Variants in AGAP1 observed in about 807,000 individuals in gnomAD.
The protein encoded by AGAP1 is ArfGAP with GTPase domain, ankyrin repeat and PH domain 1.
A neutral mutation model predicts 105.3 loss-of-function variants in AGAP1; 29 were observed. That is an observed-to-expected ratio of 0.28 (90% CI 0.21 to 0.38). The LOEUF is 0.38. Ranked by LOEUF, AGAP1 falls within the 10% of genes least tolerant of loss-of-function variation. The pLI is 1.00. For missense variants in AGAP1, 998 were observed against 1,165.1 expected (o/e 0.86, Z 2.09); for synonymous variants, 509 against 485.9 (o/e 1.05, Z -0.63).
rs2057395888 is a variant in AGAP1 at position 236,036,770 on chromosome 2, G to T, written c.1800+55G>T. The T allele has an allele frequency of 1.2e-6, 2 of 1,603,198 alleles. No homozygotes were observed. Among genetic ancestry groups the T allele is most frequent in the East Asian group, 2.2e-5 (1 of 44,852 alleles). ...CTGGGGCTGCTCAGGGGGAGTGCGG[G>T]CCCCAAGTAATGCCCCAGGGAGGAG... On this transcript the variant is annotated intron_variant, in intron 14 of 17. Transcript: ENST00000304032. The surrounding 1 kb of genome is among the most constrained non-coding windows in gnomAD (Gnocchi z 5.7).
chr2:235,709,110 A>G, intron 1 of AGAP1, 69 bp from the exon 2 acceptor site: 1 of 1,506,228 alleles, frequency 6.6e-7, no homozygotes, highest in East Asian at 2.3e-5. Flanking sequence ...AAAATGGCCC[A>G]TTGGAGGCAT....
At chr2:235,627,319 A>G (rs1049810402) in intron 1 of AGAP1, among the ~76,000 whole-genome samples, 5 of 149,222 alleles carry the variant, frequency 3.4e-5, no homozygotes, top group Admixed American at 1.4e-4. Flanking sequence ...CTACCTCCCG[A>G]GTTTAAGCAA....
rs1407092423 is a variant in AGAP1 at position 235,830,290 on chromosome 2, G to A, written c.1050+22959G>A. On this transcript the variant is annotated intron_variant, in intron 9 of 17. Coordinates refer to ENST00000304032, the MANE Select transcript of AGAP1 (RefSeq NM_001037131.3). This position sits in a 1 kb window ranked among gnomAD's most constrained non-coding sequence, Gnocchi z 5.5. ...GAGGATTGGTTTACTTAGTAAATTCGTTGTATTTTAAAAGTCAGATGGAAT... is the reference window on the plus strand; with the variant it reads ...GAGGATTGGTTTACTTAGTAAATTCATTGTATTTTAAAAGTCAGATGGAAT... 1.3e-5 allele frequency among the ~76,000 whole-genome samples: 2 copies of A among 152,194 alleles called. No individual in the cohort carries two copies. The highest frequency in any genetic ancestry group is 4.8e-5 in the African/African-American group (2 of 41,442).
At position 235,686,638 on chromosome 2, in the gene AGAP1, TATATATAGATATATATATA is replaced by T. The variant is rs1949433369; in HGVS notation, c.164-22540_164-22522del. 1.4e-4 allele frequency among the ~76,000 whole-genome samples: 7 copies of T among 49,386 alleles called. 1 individual carries two copies. The highest frequency in any genetic ancestry group is 6.9e-4 in the African/African-American group (7 of 10,126). The allele number at this position is 49,386 out of a possible 152,430, so 32.4% of individuals were successfully genotyped here. A position where few individuals can be genotyped will look rare whatever the true frequency, so the allele number is the denominator to read the frequency against. ...AGATATAGATATATATATATATATA[TATATATAGATATATATATA>T]TATATATATTTTTTTTTTTTTTTAG... On this transcript the variant is annotated intron_variant, in intron 1 of 17. Transcript: ENST00000304032.
chr2:235,836,234 A>G (rs1223054984), intron 9 of AGAP1, among the ~76,000 whole-genome samples: 1 of 152,244 alleles, frequency 6.6e-6, no homozygotes. Context: ...TTTGATGGCT[A>G]TAAATATTGC....
chr2:235,882,376 TC>T lies in AGAP1; in HGVS notation c.1051-967del. 1 of 1,501,898 alleles carries T rather than the reference TC, an allele frequency of 6.7e-7. No individual in the cohort carries two copies. The highest frequency in any genetic ancestry group is 1.2e-5 in the South Asian group (1 of 86,384). The allele number at this position is 1,501,898 out of a possible 1,614,324, so 93.0% of individuals were successfully genotyped here. ...CCTCCGGGCTCTTAGGAAATTTCAC[TC>T]CGCTTCTGCCCAGTGGTCTCTTTGG... On this transcript the variant is annotated intron_variant, in intron 9 of 17. Coordinates refer to ENST00000304032, the MANE Select transcript of AGAP1 (RefSeq NM_001037131.3). This position sits in a 1 kb window ranked among gnomAD's most constrained non-coding sequence, Gnocchi z 4.6.
chr2:235,699,420 AG>A (rs1405170620), intron 1 of AGAP1, among the ~76,000 whole-genome samples: 2 of 151,964 alleles, frequency 1.3e-5, no homozygotes, highest in Admixed American at 6.6e-5. Context: ...ATAACATTGG[AG>A]CTCACTATAT....
At chr2:235,671,155 C>T in intron 1 of AGAP1, 1 of 1,199,952 alleles carries the variant, frequency 8.3e-7, no homozygotes, top group Non-Finnish European at 1.0e-6. Flanking sequence ...GGGTCGGGAG[C>T]CTGCACGTGG....
Position 236,120,056 on chromosome 2 carries a change from C to T in AGAP1, c.2115-136C>T. The T allele has an allele frequency of 7.9e-7, 1 of 1,259,238 alleles. No homozygotes were observed. Among genetic ancestry groups the T allele is most frequent in the Non-Finnish European group, 1.1e-6 (1 of 912,058 alleles). 78.0% of individuals were successfully genotyped at this position (1,259,238 alleles called of 1,614,324 possible). On this transcript the variant is annotated intron_variant, in intron 16 of 17. Coordinates refer to ENST00000304032, the MANE Select transcript of AGAP1 (RefSeq NM_001037131.3). The surrounding 1 kb of genome is among the most constrained non-coding windows in gnomAD (Gnocchi z 6.0). ...GTGGATAAACGTTTCCCCCAGGGGGCTTTGTGCCGAGTGAAGACCTTTGCT... is the reference window on the plus strand; with the variant it reads ...GTGGATAAACGTTTCCCCCAGGGGGTTTTGTGCCGAGTGAAGACCTTTGCT...
chr2:235,812,331 G>C (rs929344199), intron 9 of AGAP1, among the ~76,000 whole-genome samples: 1 of 152,224 alleles, frequency 6.6e-6, no homozygotes, highest in Non-Finnish European at 1.5e-5. Context: ...CAAGCCCGCC[G>C]CACCCGCCAT....
Position 235,930,275 on chromosome 2 carries a change from T to A in AGAP1, c.1325-490T>A, listed in dbSNP as rs1436915256. 6.6e-6 allele frequency among the ~76,000 whole-genome samples: 1 copy of A among 151,924 alleles called. No homozygotes were observed. The highest frequency in any genetic ancestry group is 1.5e-5 in the Non-Finnish European group (1 of 67,850). On this transcript the variant is annotated intron_variant, in intron 11 of 17. Transcript: ENST00000304032. This position sits in a 1 kb window ranked among gnomAD's most constrained non-coding sequence, Gnocchi z 7.9. The stretch of plus-strand genomic sequence containing the variant: ...CCGTGTCGTGTCTAGGGACTTTGAT[T>A]TGTGTTGATCATAAAGTATGGCTTC...
At chr2:235,829,369 T>G (rs1482382412) in intron 9 of AGAP1, among the ~76,000 whole-genome samples, 1 of 152,242 alleles carries the variant, frequency 6.6e-6, no homozygotes, top group Non-Finnish European at 1.5e-5. Flanking sequence ...CACCTGTGTT[T>G]CCAAAGGGAG....
chr2:235,544,074 G>C (rs749473168), intron 1 of AGAP1, among the ~76,000 whole-genome samples: 2 of 152,228 alleles, frequency 1.3e-5, no homozygotes, highest in Admixed American at 6.5e-5. Flanking sequence ...AAGCATGTTT[G>C]AATGCAGAGC....
chr2:236,072,644 A>G (rs1370253313), intron 16 of AGAP1: 2 of 152,318 alleles, frequency 1.3e-5, no homozygotes, highest in Non-Finnish European at 2.9e-5. Flanking sequence ...GTAGGTGAGT[A>G]TAGACAGGAT....
At chr2:235,804,347 G>C (rs1024306756) in intron 8 of AGAP1, among the ~76,000 whole-genome samples, 1 of 152,164 alleles carries the variant, frequency 6.6e-6, no homozygotes, top group Admixed American at 6.5e-5. Context: ...ACAGAGCCAA[G>C]TGCACCCAGG....
rs530810724 is a variant in AGAP1, at chr2:235,661,416, C to T, written c.164-47763C>T. On this transcript the variant is annotated intron_variant, in intron 1 of 17. Transcript: ENST00000304032. ...GGGAGAGTTGGGTGTGGGCGGGAGG[C>T]AGGACATTGAGGGAGCTCTGAAGTC... Among the ~76,000 whole-genome samples, 17 of 151,062 alleles carry T rather than the reference C, an allele frequency of 1.1e-4. No homozygotes were observed. In the South Asian group the frequency reaches 3.5e-3, roughly 32 times the overall value.
At position 235,943,550 on chromosome 2, in the gene AGAP1, A is replaced by G. The variant is rs1263723562; in HGVS notation, c.1483+12627A>G. On this transcript the variant is annotated intron_variant, in intron 12 of 17. Transcript: ENST00000304032. ...TTTTTAGTAGAGACGGGGTTTCGCC[A>G]TGTTGGCCAGGCTGGTCCCGAACTC... Among the ~76,000 whole-genome samples, 5 of 152,124 alleles carry G rather than the reference A, an allele frequency of 3.3e-5. No individual in the cohort carries two copies. The South Asian group carries it at 6.2e-4, about 19-fold the overall frequency.
intron 11 of AGAP1, among the ~76,000 whole-genome samples, chr2:235,929,630 C>T (rs1461538069): frequency 4.6e-5 from 7 of 152,188 alleles, no homozygotes; most frequent in South Asian, 4.2e-4. Flanking sequence ...CAGTGCTGCA[C>T]GGGATCGCAG....
chr2:236,091,438 T>C (rs1188143990), intron 16 of AGAP1, among the ~76,000 whole-genome samples: 1 of 152,220 alleles, frequency 6.6e-6, no homozygotes, highest in East Asian at 1.9e-4. Flanking sequence ...ACCTTCCTTA[T>C]GACCCAGCAG....
Sources: allele counts gnomAD v4.1 joint callset (sites outside exome capture counted in the v4.1 genomes callset), GRCh38; gene constraint gnomAD v4.1.1; non-coding constraint Gnocchi (gnomAD v3.1); transcripts MANE v1.5; gene names NCBI Gene and HGNC (gene_info 2026-07-23, HGNC 2026-07-21).